GLP2R: variants seen among roughly 807,000 people sequenced by gnomAD.
GLP2R encodes the protein glucagon like peptide 2 receptor.
In GLP2R, 59 loss-of-function variants were observed where a neutral mutation model predicts 68.2. The ratio of observed to expected loss-of-function variants is 0.87; its 90% CI spans 0.70 to 1.07. The LOEUF (loss-of-function observed/expected upper bound fraction) is 1.07, where lower values mean the gene tolerates loss of function less well. GLP2R is among the 50% of genes least tolerant of loss of function. GLP2R has a pLI of 0.00. For missense variants in GLP2R, 548 were observed against 677.4 expected (o/e 0.81, Z 2.12); for synonymous variants, 270 against 265.4 (o/e 1.02, Z -0.17).
In GLP2R at chr17:9,870,767, GA is replaced by G; in HGVS notation, c.1081del (p.Ile361PhefsTer62). ...CVTVNFFIFL[K>X]ILKLLISKLK... is the part of the protein sequence containing the mutation. ...TCAAGGTCAATTTCTTCATCTTCCT[GA>G]AAATTCTCAAGCTTCTCATTTCTAA... On this transcript the variant is annotated frameshift_variant, in exon 10 of 13. Transcript: ENST00000262441. LOFTEE classifies it high-confidence loss of function. The G allele has an allele frequency of 6.4e-7, 1 of 1,561,438 alleles. No homozygotes were observed. Among genetic ancestry groups the G allele is most frequent in the Non-Finnish European group, 8.8e-7 (1 of 1,131,704 alleles).
At chr17:9,828,304 T>C (rs2152028394) in intron 1 of GLP2R, among the ~76,000 whole-genome samples, 2 of 152,352 alleles carry the variant, frequency 1.3e-5, no homozygotes, top group Admixed American at 1.3e-4. Flanking sequence ...AAGGTGGCCC[T>C]GGCCTGCCTC....
At chr17:9,873,301 A>G (rs1271349756) in intron 10 of GLP2R, among the ~76,000 whole-genome samples, 2 of 152,160 alleles carry the variant, frequency 1.3e-5, no homozygotes, top group African/African-American at 4.8e-5. Flanking sequence ...TTGTGCCCCC[A>G]AAGCCTATCA....
At chr17:9,838,487 T>TTCTCTGCTCACTGTCTACCTGTCCC (rs1387145915) in intron 3 of GLP2R, among the ~76,000 whole-genome samples, 3 of 152,202 alleles carry the variant, frequency 2.0e-5, no homozygotes, top group Non-Finnish European at 4.4e-5. Flanking sequence ...CGATCCCTAC[T>TTCTCTGCTCACTGTCTACCTGTCCC]TCTCTGCTCA....
rs113336473 is a variant in GLP2R at position 9,883,025 on chromosome 17, C to G, written c.1284+2509C>G. Among the ~76,000 whole-genome samples the G allele has an allele frequency of 5.9e-3, 850 of 143,268 alleles. 12 individuals are homozygous for G. The highest frequency in any genetic ancestry group is 0.02 in the African/African-American group (800 of 40,210). 94.0% of individuals were successfully genotyped at this position (143,268 alleles called of 152,430 possible). A position where few individuals can be genotyped will look rare whatever the true frequency, so the allele number is the denominator to read the frequency against. On this transcript the variant is annotated intron_variant, in intron 11 of 12. Coordinates refer to ENST00000262441, the MANE Select transcript of GLP2R (RefSeq NM_004246.3). ...AAAAAAAGCAGTCATTAGAAACTTT[C>G]TGGGTGGGATAGGGGATGTCTAGAT... is the stretch of plus-strand genomic sequence containing the variant.
chr17:9,863,849 T>C (rs1356234797), intron 9 of GLP2R, among the ~76,000 whole-genome samples: 1 of 152,206 alleles, frequency 6.6e-6, no homozygotes, highest in Non-Finnish European at 1.5e-5. Context: ...AGCCCCATGT[T>C]CTGATCATCC....
chr17:9,885,005 G>A (rs371983018), intron 11 of GLP2R, among the ~76,000 whole-genome samples: 1 of 152,206 alleles, frequency 6.6e-6, no homozygotes, highest in Non-Finnish European at 1.5e-5. Context: ...GTAAAGACAA[G>A]TAATTCATGT....
intron 11 of GLP2R, among the ~76,000 whole-genome samples, chr17:9,887,392 G>T (rs528432078): frequency 6.6e-6 from 1 of 152,322 alleles, no homozygotes; most frequent in African/African-American, 2.4e-5. Flanking sequence ...GTCGGGCGTG[G>T]TGGCGTCCGC....
At chr17:9,863,040 T>C (rs2067001177) in intron 9 of GLP2R, among the ~76,000 whole-genome samples, 1 of 152,104 alleles carries the variant, frequency 6.6e-6, no homozygotes, top group Non-Finnish European at 1.5e-5. Context: ...ACCGAGAGTG[T>C]GGACAGGCCT....
At chr17:9,886,082 G>A (rs1338341042) in intron 11 of GLP2R, among the ~76,000 whole-genome samples, 8 of 152,218 alleles carry the variant, frequency 5.3e-5, no homozygotes, top group African/African-American at 1.9e-4. Context: ...GCAGAGGCAA[G>A]AGCACAGGTG....
intron 9 of GLP2R, among the ~76,000 whole-genome samples, chr17:9,865,416 A>G (rs1015315198): frequency 6.6e-6 from 1 of 151,932 alleles, no homozygotes; most frequent in African/African-American, 2.4e-5. Context: ...TTGCAGCCCA[A>G]GTGATCTTTT....
intron 4 of GLP2R, among the ~76,000 whole-genome samples, chr17:9,850,170 CTAAG>C (rs1357008994): frequency 6.6e-6 from 1 of 152,178 alleles, no homozygotes; most frequent in East Asian, 1.9e-4. Flanking sequence ...ATAAAGGTGT[CTAAG>C]TGACATAAGA....
chr17:9,826,525 C>T (rs148978504), intron 1 of GLP2R, among the ~76,000 whole-genome samples: 91 of 152,264 alleles, frequency 6.0e-4, no homozygotes, highest in African/African-American at 2.1e-3. Flanking sequence ...ACCAGCCCCG[C>T]ATCATATTAT....
At chr17:9,886,369 A>T (rs2067244164) in intron 11 of GLP2R, among the ~76,000 whole-genome samples, 1 of 152,130 alleles carries the variant, frequency 6.6e-6, no homozygotes, top group Non-Finnish European at 1.5e-5. Flanking sequence ...TGAGAACCAG[A>T]CCCTAGGATG....
rs777988807 is a variant in GLP2R, at chr17:9,889,526, C to A, written c.1483C>A (p.Pro495Thr). The A allele has an allele frequency of 9.9e-6, 16 of 1,614,230 alleles. No homozygotes were observed. In the South Asian group the frequency reaches 1.8e-4, roughly 18 times the overall value. Reference protein sequence around the residue: ...DGAEKLRKLQPSLNSGRLLHL... With the variant: ...DGAEKLRKLQTSLNSGRLLHL... Reference sequence around the variant, plus strand: ...CGCTGAGAAGCTTCGGAAGCTGCAGCCCTCACTTAACAGTGGGCGGCTCCT... The same window carrying A: ...CGCTGAGAAGCTTCGGAAGCTGCAGACCTCACTTAACAGTGGGCGGCTCCT... Residue 495 changes from proline to threonine, a missense_variant, in exon 13 of 13, where the codon CCC becomes ACC. By Grantham distance (38) the Pro-to-Thr change is conservative. Coordinates refer to ENST00000262441, the MANE Select transcript of GLP2R (RefSeq NM_004246.3).
intron 4 of GLP2R, among the ~76,000 whole-genome samples, chr17:9,849,503 C>A (rs2152036364): frequency 6.6e-6 from 1 of 151,818 alleles, no homozygotes; most frequent in East Asian, 1.9e-4. Context: ...AGAAATATTT[C>A]TCTCTCTTTC....
chr17:9,856,683 G>A (rs1040750749), intron 5 of GLP2R, among the ~76,000 whole-genome samples: 2 of 152,198 alleles, frequency 1.3e-5, no homozygotes, highest in African/African-American at 2.4e-5. Context: ...AGAAGAAACT[G>A]GGAGACCTAT....
intron 10 of GLP2R, among the ~76,000 whole-genome samples, chr17:9,875,110 C>T (rs2067132095): frequency 6.6e-6 from 1 of 152,216 alleles, no homozygotes; most frequent in South Asian, 2.1e-4. Flanking sequence ...TCAGGACACA[C>T]CTAAACCACC....
intron 10 of GLP2R, among the ~76,000 whole-genome samples, chr17:9,874,161 G>A (rs181152505): frequency 4.6e-5 from 7 of 152,154 alleles, no homozygotes; most frequent in Non-Finnish European, 7.4e-5. Context: ...TAGATTGCCC[G>A]GCATAGCCCT....
intron 10 of GLP2R, among the ~76,000 whole-genome samples, chr17:9,877,615 G>T (rs1312005241): frequency 6.6e-6 from 1 of 152,028 alleles, no homozygotes; most frequent in Non-Finnish European, 1.5e-5. Context: ...CTATGCCGGG[G>T]GCGGTGGCTC....
Sources: allele counts gnomAD v4.1 joint callset (sites outside exome capture counted in the v4.1 genomes callset), GRCh38; gene constraint gnomAD v4.1.1; transcripts MANE v1.5; gene names NCBI Gene and HGNC (gene_info 2026-07-23, HGNC 2026-07-21).